HNRNPL: variants seen among roughly 807,000 people sequenced by gnomAD.
HNRNPL encodes epididymis secretory sperm binding protein.
In HNRNPL, 12 loss-of-function variants were observed where a neutral mutation model predicts 64.0. The observed-to-expected ratio is 0.19, with a 90% CI of 0.12 to 0.30. The LOEUF (loss-of-function observed/expected upper bound fraction) is 0.30, where lower values mean the gene tolerates loss of function less well. HNRNPL is among the 10% of genes least tolerant of loss of function. HNRNPL has a pLI of 1.00. For synonymous variants in HNRNPL, 385 were observed against 313.0 expected, an observed-to-expected ratio of 1.23 and a Z score of -2.43; for missense variants, 484 against 797.4, an observed-to-expected ratio of 0.61 and a Z score of 4.73.
intron 4 of HNRNPL, 85 bp from the exon 5 acceptor site, chr19:38,844,189 G>T: frequency 1.1e-6 from 1 of 879,790 alleles, no homozygotes; most frequent in Non-Finnish European, 1.9e-6. Context: ...GGACAAGGTA[G>T]CACCCCAAGA....
intron 6 of HNRNPL, chr19:38,841,000 AAAGCCCCCAAAGTTC>A (rs1328371450): frequency 7.2e-5 from 14 of 195,094 alleles, no homozygotes; most frequent in Non-Finnish European, 1.2e-4. Context: ...TTTGACCCCC[AAAGCCCCCAAAGTTC>A]TAGGAGCTCC....
chr19:38,836,770 G>A lies in HNRNPL; in HGVS notation c.1722C>T (p.Tyr574=). The change falls in exon 13 of 13, where the codon TAC becomes TAT. Residue 574 remains tyrosine (Y), a synonymous_variant. Coordinates refer to ENST00000221419, the MANE Select transcript of HNRNPL (RefSeq NM_001533.3). ...HYQMKNPNGP[Y]PYTLKLCFST... Reference sequence around the variant, plus strand: ...AGAAACACAACTTCAGAGTGTAAGGGTATGGACCATCTGCAAAGGAGAGAC... The same window carrying A: ...AGAAACACAACTTCAGAGTGTAAGGATATGGACCATCTGCAAAGGAGAGAC... The A allele has an allele frequency of 5.6e-6, 9 of 1,612,550 alleles. No homozygotes were observed. The highest frequency in any genetic ancestry group is 7.6e-6 in the Non-Finnish European group (9 of 1,179,392).
chr19:38,846,634 C>T (rs146640782), intron 2 of HNRNPL, among the ~76,000 whole-genome samples: 54 of 152,194 alleles, frequency 3.5e-4, no homozygotes, highest in African/African-American at 1.2e-3. Flanking sequence ...TTAGGCCGGG[C>T]GCAGTGGCTC....
intron 1 of HNRNPL, among the ~76,000 whole-genome samples, chr19:38,848,591 T>G (rs925208579): frequency 6.6e-6 from 1 of 152,128 alleles, no homozygotes; most frequent in African/African-American, 2.4e-5. Flanking sequence ...GGAAGGTGGG[T>G]AGAATTGGAT....
rs1443068404 is a variant in HNRNPL, at chr19:38,840,525, C to T, written c.915G>A (p.Arg305=). ...DPGSNPNKRQ[R]QPPLLGDHPA... ...GGTGATCTCCCAGGAGAGGGGGCTGCCTCTGGCGTTTGTTGGGGTTGCTGC... is the reference window on the plus strand; with the variant it reads ...GGTGATCTCCCAGGAGAGGGGGCTGTCTCTGGCGTTTGTTGGGGTTGCTGC... The change falls in exon 7 of 13, where the codon AGG becomes AGA. Residue 305 remains arginine (R), a synonymous_variant. Transcript: ENST00000221419. 6.3e-7 allele frequency: 1 copy of T among 1,592,996 alleles called. No individual in the cohort carries two copies. The highest frequency in any genetic ancestry group is 1.1e-5 in the South Asian group (1 of 87,890).
At chr19:38,837,337 C>T in intron 12 of HNRNPL, 47 bp downstream of exon 12, 1 of 1,488,326 alleles carries the variant, frequency 6.7e-7, no homozygotes. Context: ...AGCCAGCCAA[C>T]CCATTAGGTC....
Position 38,836,598 on chromosome 19 carries a change from TAAAAAAAAAAAAAAA to T in HNRNPL, c.*109_*123del, listed in dbSNP as rs35433653. ...AGTAAGCCTCTACAAACCTAGCATTTAAAAAAAAAAAAAAAAAAAAAAAAAAGGAATACAAGATCT... is the reference window on the plus strand; with the variant it reads ...AGTAAGCCTCTACAAACCTAGCATTTAAAAAAAAAAAGGAATACAAGATCT... On this transcript the variant is annotated 3_prime_UTR_variant, in exon 13 of 13. Transcript: ENST00000221419. 2.6e-4 allele frequency: 36 copies of T among 136,630 alleles called. No homozygotes were observed. Among genetic ancestry groups the T allele is most frequent in the Admixed American group, 1.7e-3 (19 of 11,240 alleles). 8.5% of individuals were successfully genotyped at this position (136,630 alleles called of 1,614,324 possible). A position where few individuals can be genotyped will look rare whatever the true frequency, so the allele number is the denominator to read the frequency against.
intron 9 of HNRNPL, 28 bp downstream of exon 9, chr19:38,838,865 CT>C: frequency 6.2e-7 from 1 of 1,613,824 alleles, no homozygotes; most frequent in South Asian, 1.1e-5. Flanking sequence ...CCCTGTACCT[CT>C]GCTGCCCTCC....
intron 1 of HNRNPL, among the ~76,000 whole-genome samples, chr19:38,848,461 G>A (rs1250089548): frequency 6.6e-6 from 1 of 152,194 alleles, no homozygotes; most frequent in East Asian, 1.9e-4. Flanking sequence ...CTTCCTAAGA[G>A]AAGTATCTTA....
chr19:38,852,141 C>T (rs573813705), upstream of HNRNPL, among the ~76,000 whole-genome samples: 23 of 148,074 alleles, frequency 1.6e-4, no homozygotes, highest in East Asian at 4.3e-3. Context: ...CCGCACGTTC[C>T]AGGCCGCCGG....
chr19:38,849,573 C>A (rs1243934585), intron 1 of HNRNPL, 127 bp downstream of exon 1: 7 of 1,223,676 alleles, frequency 5.7e-6, no homozygotes, highest in Non-Finnish European at 7.2e-6. Context: ...GCCCCTCCCC[C>A]ACACCGTCAA....
Position 38,847,332 on chromosome 19 carries a change from C to G in HNRNPL, c.370G>C (p.Glu124Gln), listed in dbSNP as rs1163294128. The part of the protein sequence containing the change: ...VEADLVEALQ[E>Q]FGPISYVVVM... The stretch of plus-strand genomic sequence containing the variant: ...GCCCAGTACCTGATGGGTCCAAACT[C>G]CTGCAAGGCCTCCACAAGGTCTGCT... Residue 124 changes from glutamate to glutamine, a missense_variant, in exon 2 of 13, where the codon GAG (glutamate) becomes CAG (glutamine). Glu to Gln is a conservative substitution (Grantham distance 29). This residue lies in a region of HNRNPL where 23 missense variants were observed against 70.8 expected (regional missense o/e 0.32). Transcript: ENST00000221419. 6.6e-7 allele frequency: 1 copy of G among 1,525,092 alleles called. No individual in the cohort carries two copies. Among genetic ancestry groups the G allele is most frequent in the Admixed American group, 2.0e-5 (1 of 49,598 alleles). The allele number at this position is 1,525,092 out of a possible 1,614,324, so 94.5% of individuals were successfully genotyped here. A position where few individuals can be genotyped will look rare whatever the true frequency, so the allele number is the denominator to read the frequency against.
Position 38,849,899 on chromosome 19 carries a change from T to TCCGGCTGCTGCCTCTGCTCAG in HNRNPL, c.67_68insCTGAGCAGAGGCAGCAGCCGG (p.Pro22_Asp23insAlaGluGlnArgGlnGlnPro). The TCCGGCTGCTGCCTCTGCTCAG allele has an allele frequency of 7.9e-7, 1 of 1,266,228 alleles. No individual in the cohort carries two copies. The highest frequency in any genetic ancestry group is 1.1e-6 in the Non-Finnish European group (1 of 905,352). The allele number at this position is 1,266,228 out of a possible 1,614,324, so 78.4% of individuals were successfully genotyped here. A position where few individuals can be genotyped will look rare whatever the true frequency, so the allele number is the denominator to read the frequency against. ...CGCTCCCGACCGCCTCCGCTGCTCG[T>TCCGGCTGCTGCCTCTGCTCAG]CCGGCTGCTGCCTCTGCTCCAGCCG... On this transcript the variant is annotated inframe_insertion, in exon 1 of 13. Coordinates refer to ENST00000221419, the MANE Select transcript of HNRNPL (RefSeq NM_001533.3).
In HNRNPL at chr19:38,836,671, A is replaced by T; in HGVS notation, c.*51T>A. On this transcript the variant is annotated 3_prime_UTR_variant, in exon 13 of 13. Coordinates refer to ENST00000221419, the MANE Select transcript of HNRNPL (RefSeq NM_001533.3). The stretch of plus-strand genomic sequence containing the variant: ...ATAACAAAAACAAAAAATGGCATAA[A>T]GGAAAGAGAAATGTCTTCCTGCTCA... The T allele has an allele frequency of 8.0e-7, 1 of 1,243,048 alleles. No homozygotes were observed. The highest frequency in any genetic ancestry group is 1.1e-6 in the Non-Finnish European group (1 of 878,492). 77.0% of individuals were successfully genotyped at this position (1,243,048 alleles called of 1,614,324 possible).
chr19:38,848,282 G>A (rs1400382963), intron 1 of HNRNPL, among the ~76,000 whole-genome samples: 3 of 151,982 alleles, frequency 2.0e-5, no homozygotes, highest in Non-Finnish European at 2.9e-5. Flanking sequence ...TAGTAGAGAC[G>A]GAGTTTTGCC....
At chr19:38,848,226 A>T (rs998371672) in intron 1 of HNRNPL, among the ~76,000 whole-genome samples, 2 of 151,924 alleles carry the variant, frequency 1.3e-5, no homozygotes, top group African/African-American at 4.8e-5. Flanking sequence ...GAGTAGCTGG[A>T]ATTACAGGCC....
intron 10 of HNRNPL, among the ~76,000 whole-genome samples, chr19:38,837,907 GCTGTTTGCTGAACA>G (rs932954164): frequency 2.6e-5 from 4 of 152,210 alleles, no homozygotes; most frequent in Non-Finnish European, 2.9e-5. Context: ...TCTGCACCCG[GCTGTTTGCTGAACA>G]CTGTTTGCTG....
chr19:38,839,259 G>A lies in HNRNPL; in HGVS notation c.1234-244C>T, dbSNP rs1017465527. 3 of 500,212 alleles carry A rather than the reference G, an allele frequency of 6.0e-6. No homozygotes were observed. The Admixed American group carries it at 1.0e-4, about 17-fold the overall frequency. The allele number at this position is 500,212 out of a possible 1,614,324, so 31.0% of individuals were successfully genotyped here. On this transcript the variant is annotated intron_variant, in intron 8 of 12. Transcript: ENST00000221419. ...GTAAATCATTTAGTGAAGCATGACA[G>A]AAAACTGTACAGGAATCAGAAATCA...
At chr19:38,847,219 GCAACA>G in intron 2 of HNRNPL, 92 bp downstream of exon 2, 1 of 573,252 alleles carries the variant, frequency 1.7e-6, no homozygotes, top group Non-Finnish European at 3.0e-6. Context: ...GACCAGGATG[GCAACA>G]AAATCACTAT....
Sources: allele counts gnomAD v4.1 joint callset (sites outside exome capture counted in the v4.1 genomes callset), GRCh38; gene constraint gnomAD v4.1.1; regional missense constraint gnomAD v4.1.1; transcripts MANE v1.5; gene names NCBI Gene and HGNC (gene_info 2026-07-23, HGNC 2026-07-21).